Variants in ITPR1 observed in about 807,000 individuals in gnomAD.
ITPR1 encodes the protein inositol 1,4,5-trisphosphate-gated calcium channel ITPR1.
ITPR1 carries 96 observed loss-of-function variants against 318.4 expected under a neutral mutation model. The observed-to-expected ratio is 0.30, with a 90% CI of 0.26 to 0.36. The LOEUF is 0.36. Among genes scored for constraint, ITPR1 ranks in the 10% least tolerant of loss-of-function variants. The pLI is 1.00. For missense variants in ITPR1, 2,440 were observed against 3,460.2 expected, an observed-to-expected ratio of 0.71 and a Z score of 7.40; for synonymous variants, 1,312 against 1,289.9, an observed-to-expected ratio of 1.02 and a Z score of -0.37.
intron 36 of ITPR1, among the ~76,000 whole-genome samples, chr3:4,704,240 C>T (rs553742783): frequency 4.0e-4 from 61 of 152,270 alleles, no homozygotes; most frequent in Non-Finnish European, 3.8e-4. Context: ...TGGAGAAACC[C>T]CATCTCTACT....
intron 34 of ITPR1, among the ~76,000 whole-genome samples, chr3:4,698,547 A>C (rs1229308863): frequency 1.3e-5 from 2 of 152,142 alleles, no homozygotes; most frequent in East Asian, 3.9e-4. Context: ...CATCTCTTTC[A>C]TGACTACTCA....
Position 4,786,251 on chromosome 3 carries a change from A to G in ITPR1, c.6616-1696A>G, listed in dbSNP as rs144651710. Among the ~76,000 whole-genome samples, 20 of 152,314 alleles carry G rather than the reference A, an allele frequency of 1.3e-4. 1 individual carries two copies. The East Asian group carries it at 3.9e-3, about 29-fold the overall frequency. ...TTGCATACACCAAGATCATGGGGGA[A>G]CTGCTTGTGTGCAGGTTCTGGTCAC... On this transcript the variant is annotated intron_variant, in intron 51 of 61. Coordinates refer to ENST00000649015, the MANE Select transcript of ITPR1 (RefSeq NM_001378452.1).
intron 61 of ITPR1, among the ~76,000 whole-genome samples, chr3:4,842,402 G>A (rs1361160442): frequency 1.3e-5 from 2 of 152,150 alleles, no homozygotes; most frequent in African/African-American, 4.8e-5. Flanking sequence ...GAGTCTCCCT[G>A]TGTTGCCCAG....
intron 30 of ITPR1, 31 bp downstream of exon 30, chr3:4,685,237 C>G (rs946100080): frequency 6.4e-7 from 1 of 1,573,892 alleles, no homozygotes; most frequent in Non-Finnish European, 8.6e-7. Context: ...AGCAGCTGCT[C>G]TCAGGATGGG....
chr3:4,832,697 T>TTCAA (rs201068631), intron 60 of ITPR1, among the ~76,000 whole-genome samples: 1,713 of 152,350 alleles, frequency 0.011, 26 homozygotes, highest in African/African-American at 0.039. Context: ...ATAAAAATAT[T>TTCAA]TCAATCATTT....
At chr3:4,814,803 T>C in intron 58 of ITPR1, 1 of 600,864 alleles carries the variant, frequency 1.7e-6, no homozygotes, top group Non-Finnish European at 2.9e-6. Flanking sequence ...TAGGGACTGT[T>C]TCCATCAGGG....
chr3:4,624,278 A>G (rs563906797), intron 4 of ITPR1, among the ~76,000 whole-genome samples: 111 of 152,334 alleles, frequency 7.3e-4, no homozygotes, highest in African/African-American at 2.5e-3. Flanking sequence ...TCATGTGTCA[A>G]ATGTTAATGC....
Position 4,699,715 on chromosome 3 carries a change from T to A in ITPR1, c.4408-98T>A, listed in dbSNP as rs1462576566. 3 of 1,209,116 alleles carry A rather than the reference T, an allele frequency of 2.5e-6. No homozygotes were observed. In the African/African-American group the frequency reaches 4.5e-5, roughly 18 times the overall value. 74.9% of individuals were successfully genotyped at this position (1,209,116 alleles called of 1,614,324 possible). On this transcript the variant is annotated intron_variant, in intron 34 of 61. Coordinates refer to ENST00000649015, the MANE Select transcript of ITPR1 (RefSeq NM_001378452.1). Reference sequence around the variant, plus strand: ...AATATTGGCCAGCAGGCCTTTACCTTTCATTTGTTAAAAGTAACCCACAGG... The same window carrying A: ...AATATTGGCCAGCAGGCCTTTACCTATCATTTGTTAAAAGTAACCCACAGG...
Position 4,658,174 on chromosome 3 carries a change from A to G in ITPR1, c.1047A>G (p.Glu349=), listed in dbSNP as rs2093755728. Residue 349 remains glutamate, a synonymous_variant, in exon 13 of 62, where the codon GAA becomes GAG. Transcript: ENST00000649015. ...ASRSRLRNAQ[E]KMVYSLVSVP... is the part of the protein sequence containing the mutation. ...GAAGTAGGTTGCGGAATGCCCAAGAAAAGATGGTATACTCCCTGGTCTCTG... is the reference window on the plus strand; with the variant it reads ...GAAGTAGGTTGCGGAATGCCCAAGAGAAGATGGTATACTCCCTGGTCTCTG... 1 of 1,613,534 alleles carries G rather than the reference A, an allele frequency of 6.2e-7. No homozygotes were observed. The highest frequency in any genetic ancestry group is 2.2e-5 in the East Asian group (1 of 44,840).
At chr3:4,801,836 C>T (rs932518107) in intron 54 of ITPR1, among the ~76,000 whole-genome samples, 5 of 151,974 alleles carry the variant, frequency 3.3e-5, no homozygotes, top group East Asian at 3.9e-4. Context: ...GGCCATGAAG[C>T]GGGGATTGAG....
At chr3:4,690,341 A>G (rs912021149) in intron 31 of ITPR1, among the ~76,000 whole-genome samples, 1 of 152,234 alleles carries the variant, frequency 6.6e-6, no homozygotes, top group Admixed American at 6.5e-5. Context: ...GTTGGAGAGG[A>G]TATCCAAATG....
chr3:4,807,894 TCA>T (rs2048689810), intron 55 of ITPR1, among the ~76,000 whole-genome samples: 2 of 152,204 alleles, frequency 1.3e-5, no homozygotes. Context: ...GCGGCAGAGT[TCA>T]GTTGGTGGTC....
chr3:4,557,877 G>A (rs780603313), intron 4 of ITPR1, among the ~76,000 whole-genome samples: 10 of 151,996 alleles, frequency 6.6e-5, no homozygotes, highest in South Asian at 2.1e-4. Flanking sequence ...TTATTTTAGC[G>A]CTCACTATAA....
intron 2 of ITPR1, among the ~76,000 whole-genome samples, chr3:4,503,284 A>C (rs1472367282): frequency 6.6e-6 from 1 of 152,176 alleles, no homozygotes; most frequent in African/African-American, 2.4e-5. Flanking sequence ...CTTTCAGGTC[A>C]TATTGGTATT....
At position 4,670,916 on chromosome 3, in the gene ITPR1, A is replaced by G; in HGVS notation, c.2194A>G (p.Ser732Gly). Residue 732 changes from serine to glycine, a missense_variant, in exon 20 of 62, where the codon AGC (serine) becomes GGC (glycine). Coordinates refer to ENST00000649015, the MANE Select transcript of ITPR1 (RefSeq NM_001378452.1). ...EGQKEDRDVL[S>G]YYRYQLNLFA... ...GCAGAAGGAGGACCGAGACGTTCTC[A>G]GCTACTACAGGTGCGTGGGACACGT... 5.7e-6 allele frequency: 9 copies of G among 1,584,094 alleles called. No homozygotes were observed. The highest frequency in any genetic ancestry group is 7.7e-6 in the Non-Finnish European group (9 of 1,163,216).
intron 4 of ITPR1, among the ~76,000 whole-genome samples, chr3:4,597,407 A>G (rs2125076320): frequency 6.6e-6 from 1 of 152,316 alleles, no homozygotes; most frequent in South Asian, 2.1e-4. Context: ...ATTTGGGTGT[A>G]TGTAGATGAT....
rs754546023 is a variant in ITPR1 at position 4,814,439 on chromosome 3, A to G, written c.7578A>G (p.Glu2526=). 25 of 1,614,002 alleles carry G rather than the reference A, an allele frequency of 1.5e-5. No homozygotes were observed. In the Middle Eastern group the frequency reaches 3.1e-3, roughly 202 times the overall value. The change falls in exon 58 of 62, where the codon GAA becomes GAG. Residue 2526 remains glutamate (E), a synonymous_variant. Coordinates refer to ENST00000649015, the MANE Select transcript of ITPR1 (RefSeq NM_001378452.1). The part of the protein sequence containing the change: ...PAPREELVPA[E]ETEQDKEHTC... ...TGTTCACAGAGCTGGTCCCTGCAGA[A>G]GAGACGGAACAGGATAAAGAGCACA...
Position 4,768,690 on chromosome 3 carries a change from G to A in ITPR1, c.5905G>A (p.Ala1969Thr), listed in dbSNP as rs369005032. ...GGCCAAGGACGACCTGGAGATGAGC[G>A]CGGTCATCACCATCATGCAGCCCAT... ...DKAKDDLEMS[A>T]VITIMQPILR... The change falls in exon 46 of 62, where the codon GCG becomes ACG. Residue 1969 changes from alanine to threonine, a missense_variant. Coordinates refer to ENST00000649015, the MANE Select transcript of ITPR1 (RefSeq NM_001378452.1). The A allele has an allele frequency of 5.1e-5, 82 of 1,613,862 alleles. No homozygotes were observed. The highest frequency in any genetic ancestry group is 7.7e-5 in the South Asian group (7 of 91,068).
chr3:4,737,958 G>A (rs1450483188), intron 44 of ITPR1, among the ~76,000 whole-genome samples: 1 of 152,156 alleles, frequency 6.6e-6, no homozygotes, highest in African/African-American at 2.4e-5. Context: ...AATAACACAG[G>A]AACAGAAAAT....
Sources: gnomAD v4.1 joint callset for allele counts (sites outside exome capture counted in the v4.1 genomes callset) on GRCh38, gnomAD v4.1.1 for gene constraint, MANE v1.5 for transcripts, NCBI Gene and HGNC (gene_info 2026-07-23, HGNC 2026-07-21) for gene names.